Variants in WDR70 observed in about 807,000 individuals in gnomAD.
WDR70 encodes the protein WD repeat domain 70.
Under a neutral mutation model 88.6 loss-of-function variants are expected in WDR70, and 53 were observed. That is an observed-to-expected ratio of 0.60 (90% CI 0.48 to 0.75). The LOEUF is 0.75. Among genes scored for constraint, WDR70 ranks in the 30% least tolerant of loss-of-function variants. WDR70 has a pLI of 0.00. For synonymous variants in WDR70, 280 were observed against 270.0 expected, an observed-to-expected ratio of 1.04 and a Z score of -0.36; for missense variants, 610 against 823.2, an observed-to-expected ratio of 0.74 and a Z score of 3.17.
chr5:37,406,436 A>C (rs1342426514), intron 5 of WDR70, among the ~76,000 whole-genome samples: 1 of 152,242 alleles, frequency 6.6e-6, no homozygotes, highest in African/African-American at 2.4e-5. Flanking sequence ...ACAGGGATGC[A>C]ATATAGAATC....
At chr5:37,404,448 AT>A (rs1749292162) in intron 5 of WDR70, among the ~76,000 whole-genome samples, 2 of 152,296 alleles carry the variant, frequency 1.3e-5, no homozygotes, top group Admixed American at 6.5e-5. Flanking sequence ...GAGTTAATAT[AT>A]TTTGATCAGT....
chr5:37,567,533 C>T lies in WDR70; in HGVS notation c.918-37531C>T, dbSNP rs114659490. ...TGTTCTTATGTTAACTCTTTTTTTC[C>T]ATGCTAGATAACTCCATGAGCAACC... On this transcript the variant is annotated intron_variant, in intron 9 of 17. Coordinates refer to ENST00000265107, the MANE Select transcript of WDR70 (RefSeq NM_018034.4). Among the ~76,000 whole-genome samples, 192 of 151,634 alleles carry T rather than the reference C, an allele frequency of 1.3e-3. 1 individual carries two copies. The highest frequency in any genetic ancestry group is 1.5e-3 in the Non-Finnish European group (102 of 67,872).
chr5:37,529,436 A>G (rs1186243469), intron 9 of WDR70, among the ~76,000 whole-genome samples: 1 of 152,110 alleles, frequency 6.6e-6, no homozygotes, highest in Non-Finnish European at 1.5e-5. Flanking sequence ...CACAATATTG[A>G]TTCTACTCAT....
At chr5:37,398,339 C>T (rs62360198) in intron 5 of WDR70, among the ~76,000 whole-genome samples, 99,836 of 151,676 alleles carry the variant, frequency 0.66, 35,140 homozygotes, top group Non-Finnish European at 0.78. Flanking sequence ...CTGCCCGCCT[C>T]GGCCTCCCAA....
At chr5:37,486,153 AG>A (rs1176811866) in intron 8 of WDR70, among the ~76,000 whole-genome samples, 18 of 152,012 alleles carry the variant, frequency 1.2e-4, no homozygotes, top group African/African-American at 4.4e-4. Flanking sequence ...CTGAATAATG[AG>A]AATCTGCTGT....
Position 37,663,734 on chromosome 5 carries a change from G to A in WDR70, c.1093-33921G>A, listed in dbSNP as rs1014546423. On this transcript the variant is annotated intron_variant, in intron 10 of 17. Transcript: ENST00000265107. ...TGTATCTCTGTGCGCATACTGCTGT[G>A]GTCTCTCAGCCTCCTTCCCTGCAGT... Among the ~76,000 whole-genome samples the A allele has an allele frequency of 1.1e-4, 16 of 152,094 alleles. No homozygotes were observed. The South Asian group carries it at 2.7e-3, about 26-fold the overall frequency.
intron 10 of WDR70, among the ~76,000 whole-genome samples, chr5:37,690,047 G>C (rs760344955): frequency 1.3e-5 from 2 of 152,166 alleles, no homozygotes; most frequent in Admixed American, 1.3e-4. Flanking sequence ...ACCATGGCAC[G>C]AGAAGTTCAT....
At chr5:37,626,712 G>A (rs1744674308) in intron 10 of WDR70, among the ~76,000 whole-genome samples, 1 of 152,080 alleles carries the variant, frequency 6.6e-6, no homozygotes, top group Non-Finnish European at 1.5e-5. Context: ...TTCTTTAAAG[G>A]TTTGGTAGAA....
intron 9 of WDR70, among the ~76,000 whole-genome samples, chr5:37,564,713 A>G (rs1429761060): frequency 6.6e-6 from 1 of 152,224 alleles, no homozygotes; most frequent in Non-Finnish European, 1.5e-5. Context: ...TTCCTTTCCT[A>G]AGATGAAATT....
intron 17 of WDR70, among the ~76,000 whole-genome samples, chr5:37,729,760 G>A (rs139979607): frequency 1.3e-5 from 2 of 152,110 alleles, no homozygotes; most frequent in East Asian, 1.9e-4. Context: ...TTTTCTTCAC[G>A]TTCTGTTTAT....
intron 9 of WDR70, among the ~76,000 whole-genome samples, chr5:37,566,035 G>T (rs1742731169): frequency 6.6e-6 from 1 of 152,044 alleles, no homozygotes; most frequent in Non-Finnish European, 1.5e-5. Context: ...TATACTCACA[G>T]AGTTGTGCAA....
chr5:37,432,895 T>C (rs1364327856), intron 5 of WDR70, among the ~76,000 whole-genome samples: 2 of 152,150 alleles, frequency 1.3e-5, no homozygotes, highest in African/African-American at 4.8e-5. Context: ...TGGTTTGTTT[T>C]TTTCTGTTGT....
chr5:37,701,634 C>CA (rs750671199), intron 12 of WDR70, among the ~76,000 whole-genome samples: 3 of 151,848 alleles, frequency 2.0e-5, no homozygotes, highest in East Asian at 3.9e-4. Context: ...ACTAAAAATA[C>CA]AAAAAATTAG....
intron 9 of WDR70, among the ~76,000 whole-genome samples, chr5:37,554,127 A>G (rs1368538184): frequency 7.9e-6 from 1 of 126,290 alleles, no homozygotes; most frequent in African/African-American, 3.6e-5. Flanking sequence ...TTTTTTTTTT[A>G]AGTACGCTCA....
At chr5:37,561,868 G>A (rs1004714701) in intron 9 of WDR70, among the ~76,000 whole-genome samples, 3 of 152,140 alleles carry the variant, frequency 2.0e-5, no homozygotes, top group African/African-American at 7.2e-5. Context: ...TGTTTCATGT[G>A]TTATTGTGGA....
intron 8 of WDR70, among the ~76,000 whole-genome samples, chr5:37,489,980 A>G (rs896405654): frequency 6.6e-6 from 1 of 151,946 alleles, no homozygotes; most frequent in Admixed American, 6.6e-5. Flanking sequence ...GGCTGTCATC[A>G]GGTCCCCCTG....
At chr5:37,416,557 GAGGGAGAGGGCT>G (rs1749760987) in intron 5 of WDR70, among the ~76,000 whole-genome samples, 1 of 150,492 alleles carries the variant, frequency 6.6e-6, no homozygotes, top group Non-Finnish European at 1.5e-5. Context: ...GGGAGAGGGA[GAGGGAGAGGGCT>G]TGGGAGAGGG....
At chr5:37,615,856 A>T (rs910748117) in intron 10 of WDR70, among the ~76,000 whole-genome samples, 1 of 152,044 alleles carries the variant, frequency 6.6e-6, no homozygotes, top group African/African-American at 2.4e-5. Context: ...TGTTTCTCAC[A>T]CTCACTCCCT....
chr5:37,611,352 T>C (rs544242027), intron 10 of WDR70, among the ~76,000 whole-genome samples: 3 of 152,158 alleles, frequency 2.0e-5, no homozygotes, highest in Non-Finnish European at 4.4e-5. Context: ...TCATAGCCAC[T>C]AAAAATGAAA....
Sources: allele counts gnomAD v4.1 joint callset (sites outside exome capture counted in the v4.1 genomes callset), GRCh38; gene constraint gnomAD v4.1.1; transcripts MANE v1.5; gene names NCBI Gene and HGNC (gene_info 2026-07-23, HGNC 2026-07-21).